Variants in SLC4A4 observed in about 807,000 individuals in gnomAD.
SLC4A4 encodes electrogenic sodium bicarbonate cotransporter 1.
Under a neutral mutation model 111.5 loss-of-function variants are expected in SLC4A4, and 27 were observed. That is an observed-to-expected ratio of 0.24 (90% CI 0.18 to 0.33). SLC4A4 has a LOEUF of 0.33. Among genes scored for constraint, SLC4A4 ranks in the 10% least tolerant of loss-of-function variants. SLC4A4 has a pLI of 1.00. For synonymous variants in SLC4A4, 443 were observed against 463.4 expected, an observed-to-expected ratio of 0.96 and a Z score of 0.57; for missense variants, 909 against 1,315.5, an observed-to-expected ratio of 0.69 and a Z score of 4.78.
intron 16 of SLC4A4, among the ~76,000 whole-genome samples, chr4:71,515,043 C>CA (rs1214448381): frequency 1.3e-5 from 2 of 151,722 alleles, no homozygotes; most frequent in Admixed American, 1.3e-4. Context: ...TTGGTTTGTT[C>CA]ATGGTTTTCT....
At chr4:71,505,704 G>A (rs1163616275) in intron 16 of SLC4A4, among the ~76,000 whole-genome samples, 1 of 151,876 alleles carries the variant, frequency 6.6e-6, no homozygotes, top group African/African-American at 2.4e-5. Context: ...ATTAGATTCT[G>A]TTTGTTAATT....
intron 5 of SLC4A4, among the ~76,000 whole-genome samples, chr4:71,351,520 G>A (rs1202741768): frequency 1.3e-5 from 2 of 152,216 alleles, no homozygotes; most frequent in African/African-American, 4.8e-5. Flanking sequence ...ATAAGTGAAA[G>A]TGAATGTAAA....
intron 15 of SLC4A4, 80 bp downstream of exon 15, chr4:71,487,098 G>T: frequency 2.4e-6 from 2 of 833,794 alleles, no homozygotes; most frequent in South Asian, 2.8e-5. Context: ...AATATATGAT[G>T]TCTTCTACCA....
chr4:71,517,935 G>A (rs1411211716), intron 16 of SLC4A4, among the ~76,000 whole-genome samples: 3 of 152,170 alleles, frequency 2.0e-5, no homozygotes, highest in Non-Finnish European at 2.9e-5. Flanking sequence ...GTCCTTGAGG[G>A]CAGGCCTGGG....
intron 2 of SLC4A4, among the ~76,000 whole-genome samples, chr4:71,101,100 G>A (rs1742717044): frequency 6.6e-6 from 1 of 151,742 alleles, no homozygotes; most frequent in Admixed American, 6.6e-5. Context: ...TCTACTAAAA[G>A]TACAAAAAAT....
chr4:71,394,535 C>G (rs1293788073), intron 6 of SLC4A4, among the ~76,000 whole-genome samples: 2 of 151,622 alleles, frequency 1.3e-5, no homozygotes, highest in Non-Finnish European at 2.9e-5. Context: ...GATCAGGGAA[C>G]ACTTCTACAC....
intron 8 of SLC4A4, among the ~76,000 whole-genome samples, chr4:71,441,910 G>A (rs984402509): frequency 2.0e-5 from 3 of 152,286 alleles, no homozygotes; most frequent in Non-Finnish European, 2.9e-5. Flanking sequence ...ATGATGATTT[G>A]TGTTTTCTGT....
chr4:71,147,778 T>C lies in SLC4A4; in HGVS notation c.-2+54986T>C, dbSNP rs150407774. On this transcript the variant is annotated intron_variant, in intron 2 of 26. Transcript: ENST00000649996. Reference sequence around the variant, plus strand: ...GGGGCATTGCCACCACCCATCTGCATTGTTGCCAGAAAAATAGCTGTTTAC... The same window carrying C: ...GGGGCATTGCCACCACCCATCTGCACTGTTGCCAGAAAAATAGCTGTTTAC... 2.7e-3 allele frequency among the ~76,000 whole-genome samples: 410 copies of C among 152,246 alleles called. 2 individuals carry two copies. The highest frequency in any genetic ancestry group is 8.1e-3 in the African/African-American group (336 of 41,558).
rs570616367 is a variant in SLC4A4 at position 71,341,416 on chromosome 4, A to G, written c.389+1911A>G. ...TATTTATGGCTGCTATTTTTTCTAC[A>G]TAGACTTAGAAAGAAATTCTAGAGT... On this transcript the variant is annotated intron_variant, in intron 4 of 25. Transcript: ENST00000264485. Among the ~76,000 whole-genome samples the G allele has an allele frequency of 4.6e-5, 7 of 152,286 alleles. No individual in the cohort carries two copies. In the South Asian group the frequency reaches 1.0e-3, roughly 23 times the overall value.
intron 20 of SLC4A4, among the ~76,000 whole-genome samples, chr4:71,552,392 T>C (rs1246535529): frequency 1.3e-5 from 2 of 151,402 alleles, no homozygotes; most frequent in Non-Finnish European, 3.0e-5. Context: ...CACACACACA[T>C]ACAGTGACGA....
In SLC4A4 at chr4:71,271,937, G is replaced by T. The variant is rs376997133; in HGVS notation, c.253+16538G>T. On this transcript the variant is annotated intron_variant, in intron 3 of 25. Transcript: ENST00000264485. ...ATCATTGTGACCATTTAATGATAAG[G>T]AAACTCATCCTCAAATAATTTAAAC... Among the ~76,000 whole-genome samples the T allele has an allele frequency of 1.5e-4, 23 of 152,232 alleles. No individual in the cohort carries two copies. The East Asian group carries it at 1.7e-3, about 11-fold the overall frequency.
Position 71,419,368 on chromosome 4 carries a change from G to A in SLC4A4, c.808-21248G>A, listed in dbSNP as rs1722144725. Among the ~76,000 whole-genome samples the A allele has an allele frequency of 2.6e-5, 4 of 152,252 alleles. No homozygotes were observed. In the South Asian group the frequency reaches 8.3e-4, roughly 32 times the overall value. On this transcript the variant is annotated intron_variant, in intron 7 of 25. Coordinates refer to ENST00000264485, the MANE Select transcript of SLC4A4 (RefSeq NM_001098484.3). The stretch of plus-strand genomic sequence containing the variant: ...TCCACCCAGTTGGAGCTTCCCTGCT[G>A]CTTTGTTTACCTAAGCAAGCCTGGA...
intron 2 of SLC4A4, among the ~76,000 whole-genome samples, chr4:71,156,643 T>C (rs1358739673): frequency 6.6e-6 from 1 of 151,442 alleles, no homozygotes; most frequent in Non-Finnish European, 1.5e-5. Flanking sequence ...AGGCAGCTTA[T>C]ATAGAAATAC....
intron 1 of SLC4A4, among the ~76,000 whole-genome samples, chr4:71,197,552 T>C (rs1202702757): frequency 6.6e-6 from 1 of 152,152 alleles, no homozygotes; most frequent in Non-Finnish European, 1.5e-5. Context: ...GTTGCAAAAA[T>C]ACAGTGCAGA....
chr4:71,113,321 C>A (rs1165508554), intron 2 of SLC4A4, among the ~76,000 whole-genome samples: 1 of 152,146 alleles, frequency 6.6e-6, no homozygotes, highest in African/African-American at 2.4e-5. Flanking sequence ...TATCCACATA[C>A]CCTGAAAAAT....
chr4:71,524,361 A>T (rs956267731), intron 16 of SLC4A4, among the ~76,000 whole-genome samples: 2 of 152,136 alleles, frequency 1.3e-5, no homozygotes, highest in African/African-American at 4.8e-5. Flanking sequence ...AGAATGGAAG[A>T]AAAGGTCTTT....
intron 8 of SLC4A4, among the ~76,000 whole-genome samples, chr4:71,446,075 G>A (rs192010702): frequency 8.5e-4 from 130 of 152,056 alleles, no homozygotes; most frequent in Non-Finnish European, 1.5e-3. Flanking sequence ...AGTACTAAGT[G>A]GTTTTATGGT....
intron 22 of SLC4A4, 25 bp from the exon 23 acceptor site, chr4:71,560,068 A>G (rs1316009746): frequency 1.9e-6 from 3 of 1,577,416 alleles, no homozygotes; most frequent in South Asian, 1.1e-5. Context: ...GGTTTCTTTC[A>G]TACTTTTAAT....
intron 3 of SLC4A4, among the ~76,000 whole-genome samples, chr4:71,311,868 C>G (rs1237389481): frequency 8.4e-6 from 1 of 119,380 alleles, no homozygotes; most frequent in East Asian, 2.6e-4. Flanking sequence ...CAATGAGGAG[C>G]CTGAGCAAAT....
Sources: allele counts gnomAD v4.1 joint callset (sites outside exome capture counted in the v4.1 genomes callset), GRCh38; gene constraint gnomAD v4.1.1; transcripts MANE v1.5; gene names NCBI Gene and HGNC (gene_info 2026-07-23, HGNC 2026-07-21).